Variants in ADAMTS3 observed in about 807,000 individuals in gnomAD.
The protein encoded by ADAMTS3 is ADAM metallopeptidase with thrombospondin type 1 motif 3.
A neutral mutation model predicts 129.0 loss-of-function variants in ADAMTS3; 73 were observed. The observed-to-expected ratio is 0.57, with a 90% confidence interval of 0.47 to 0.69. ADAMTS3 has a LOEUF of 0.69. Ranked by LOEUF, ADAMTS3 falls within the 30% of genes least tolerant of loss-of-function variation. The pLI is 0.00. For synonymous variants in ADAMTS3, 477 were observed against 510.8 expected (o/e 0.93, Z 0.89); for missense variants, 1,457 against 1,514.5 (o/e 0.96, Z 0.63).
chr4:72,498,859 T>C (rs1719937114), intron 3 of ADAMTS3, among the ~76,000 whole-genome samples: 2 of 152,126 alleles, frequency 1.3e-5, no homozygotes, highest in African/African-American at 4.8e-5. Flanking sequence ...GAATGTTCAT[T>C]GTTCCAATAC....
At position 72,400,325 on chromosome 4, in the gene ADAMTS3, TATATATACACAC is replaced by T. The variant is rs1449397045; in HGVS notation, c.661+14478_661+14489del. Reference sequence around the variant, plus strand: ...TGTATATATGCACACATGGTGTGTGTATATATACACACGGTGTGTATATATACGTGTGCATAG... The same window carrying T: ...TGTATATATGCACACATGGTGTGTGTGGTGTGTATATATACGTGTGCATAG... On this transcript the variant is annotated intron_variant, in intron 4 of 21. Coordinates refer to ENST00000286657, the MANE Select transcript of ADAMTS3 (RefSeq NM_014243.3). 2.8e-3 allele frequency among the ~76,000 whole-genome samples: 402 copies of T among 145,338 alleles called. 10 individuals carry two copies. Among genetic ancestry groups the T allele is most frequent in the African/African-American group, 0.01 (382 of 37,104 alleles).
rs376533992 is a variant in ADAMTS3 at position 72,404,720 on chromosome 4, T to C, written c.661+10095A>G. Among the ~76,000 whole-genome samples the C allele has an allele frequency of 7.9e-5, 12 of 151,934 alleles. No homozygotes were observed. The East Asian group carries it at 1.7e-3, about 22-fold the overall frequency. On this transcript the variant is annotated intron_variant, in intron 4 of 21. Transcript: ENST00000286657. ...ATTAACAGGGTGAAAAGGAAACCTA[T>C]AGAATGGGAGAAAATATTTGCAAAC... is the stretch of plus-strand genomic sequence containing the variant.
intron 5 of ADAMTS3, among the ~76,000 whole-genome samples, chr4:72,335,796 T>C (rs1400838041): frequency 1.3e-5 from 2 of 152,182 alleles, no homozygotes; most frequent in South Asian, 4.1e-4. Flanking sequence ...CTGCTCCCAT[T>C]ATATCATTGC....
Position 72,531,036 on chromosome 4 carries a change from G to T in ADAMTS3, c.504+17442C>A, listed in dbSNP as rs368438714. 1.2e-3 allele frequency among the ~76,000 whole-genome samples: 185 copies of T among 151,270 alleles called. 2 individuals are homozygous for T. In the South Asian group the frequency reaches 0.014, roughly 12 times the overall value. ...AGAACATTTTATCAAACTTAGAAAT[G>T]CCAATGCAGCTTCTATGTGAAGAAG... On this transcript the variant is annotated intron_variant, in intron 3 of 21. Coordinates refer to ENST00000286657, the MANE Select transcript of ADAMTS3 (RefSeq NM_014243.3).
In ADAMTS3 at chr4:72,281,528, T is replaced by A. The variant is rs1578545657; in HGVS notation, c.*1608A>T. 6.6e-6 allele frequency: 1 copy of A among 152,238 alleles called. No individual in the cohort carries two copies. The highest frequency in any genetic ancestry group is 1.5e-5 in the Non-Finnish European group (1 of 68,038). The allele number at this position is 152,238 out of a possible 1,614,324, so 9.4% of individuals were successfully genotyped here. A position where few individuals can be genotyped will look rare whatever the true frequency, so the allele number is the denominator to read the frequency against. On this transcript the variant is annotated 3_prime_UTR_variant, in exon 22 of 22. Coordinates refer to ENST00000286657, the MANE Select transcript of ADAMTS3 (RefSeq NM_014243.3). ...TGCACTTATCTCTTTCAAAAACTTT[T>A]AAAAATGTTTCTAATTCACAATTTC...
At chr4:72,350,360 T>A (rs942327022) in intron 4 of ADAMTS3, among the ~76,000 whole-genome samples, 1 of 152,204 alleles carries the variant, frequency 6.6e-6, no homozygotes, top group Non-Finnish European at 1.5e-5. Context: ...GATTTAATGA[T>A]TGCTTTAATA....
chr4:72,548,936 G>T, intron 2 of ADAMTS3, 52 bp from the exon 3 acceptor site: 1 of 1,542,212 alleles, frequency 6.5e-7, no homozygotes, highest in Non-Finnish European at 8.8e-7. Context: ...GAGAACACAG[G>T]AGAACATAAC....
intron 18 of ADAMTS3, among the ~76,000 whole-genome samples, 195 bp from the exon 19 acceptor site, chr4:72,295,981 A>T (rs1718796320): frequency 6.6e-6 from 1 of 152,090 alleles, no homozygotes; most frequent in East Asian, 1.9e-4. Context: ...CTTTTCAGAG[A>T]ATACGTTTGA....
intron 3 of ADAMTS3, among the ~76,000 whole-genome samples, chr4:72,544,972 T>TAA (rs1469358470): frequency 6.6e-6 from 1 of 152,090 alleles, no homozygotes; most frequent in African/African-American, 2.4e-5. Flanking sequence ...TTGATGTATA[T>TAA]AAAAAGCAAA....
chr4:72,537,121 C>T (rs936172978), intron 3 of ADAMTS3, among the ~76,000 whole-genome samples: 1 of 152,204 alleles, frequency 6.6e-6, no homozygotes, highest in Admixed American at 6.5e-5. Flanking sequence ...TAGTCAACTT[C>T]AGCTCTTAGC....
chr4:72,501,424 T>C (rs925515332), intron 3 of ADAMTS3, among the ~76,000 whole-genome samples: 3 of 152,126 alleles, frequency 2.0e-5, no homozygotes, highest in African/African-American at 7.2e-5. Context: ...AGCTTAAACA[T>C]TATTGATATA....
chr4:72,329,759 A>G (rs1301861962), intron 5 of ADAMTS3, among the ~76,000 whole-genome samples: 1 of 152,032 alleles, frequency 6.6e-6, no homozygotes, highest in African/African-American at 2.4e-5. Flanking sequence ...ATGAAAAAAA[A>G]AAAAACGATC....
At position 72,319,861 on chromosome 4, in the gene ADAMTS3, T is replaced by C. The variant is rs759406845; in HGVS notation, c.1205A>G (p.His402Arg). 1.2e-6 allele frequency: 2 copies of C among 1,612,242 alleles called. No homozygotes were observed. Among genetic ancestry groups the C allele is most frequent in the Non-Finnish European group, 8.5e-7 (1 of 1,178,394 alleles). The change falls in exon 8 of 22, where the codon CAT (histidine) becomes CGT (arginine). Residue 402 changes from histidine to arginine, a missense_variant. Transcript: ENST00000286657. The part of the protein sequence containing the change: ...SAFVVAHETG[H>R]VLGMEHDGQG... ...ATAGCTGTCAGCAGTGACTTACACA[T>C]GGCCCGTTTCATGGGCTACTACAAA...
At chr4:72,404,804 G>T (rs1024638454) in intron 4 of ADAMTS3, among the ~76,000 whole-genome samples, 2 of 143,072 alleles carry the variant, frequency 1.4e-5, no homozygotes, top group Non-Finnish European at 3.0e-5. Context: ...CAACTCAGTA[G>T]CAAAACAAAC....
At chr4:72,396,277 T>G (rs1164002643) in intron 4 of ADAMTS3, among the ~76,000 whole-genome samples, 1 of 152,140 alleles carries the variant, frequency 6.6e-6, no homozygotes, top group African/African-American at 2.4e-5. Flanking sequence ...CAGCACAGTT[T>G]TCTCATCAAA....
chr4:72,531,835 C>T (rs966494007), intron 3 of ADAMTS3, among the ~76,000 whole-genome samples: 2 of 152,122 alleles, frequency 1.3e-5, no homozygotes, highest in African/African-American at 4.8e-5. Flanking sequence ...CATTAGGTGG[C>T]TTGTCTAAGT....
intron 3 of ADAMTS3, among the ~76,000 whole-genome samples, chr4:72,443,473 G>C (rs1718172039): frequency 6.6e-6 from 1 of 151,624 alleles, no homozygotes; most frequent in African/African-American, 2.4e-5. Flanking sequence ...ACCTGATTGA[G>C]AGTCACCTCT....
In ADAMTS3 at chr4:72,569,092, A is replaced by G. The variant is rs945181335; in HGVS notation, c.-330T>C. ...GGGCTTTCCAACTATCTCTGCCCAA[A>G]GCAGCTTTTTCGAGGCTTTTCGAGC... is the stretch of plus-strand genomic sequence containing the variant. On this transcript the variant is annotated 5_prime_UTR_variant, in exon 1 of 22. Transcript: ENST00000286657. 1 of 365,886 alleles carries G rather than the reference A, an allele frequency of 2.7e-6. No individual in the cohort carries two copies. The highest frequency in any genetic ancestry group is 5.0e-6 in the Non-Finnish European group (1 of 201,772). 22.7% of individuals were successfully genotyped at this position (365,886 alleles called of 1,614,324 possible).
intron 2 of ADAMTS3, among the ~76,000 whole-genome samples, chr4:72,550,278 T>C (rs974628876): frequency 2.0e-5 from 3 of 152,012 alleles, no homozygotes; most frequent in Non-Finnish European, 4.4e-5. Context: ...TCCAATAATG[T>C]ATTTAGAGCA....
Sources: gnomAD v4.1 joint callset for allele counts (sites outside exome capture counted in the v4.1 genomes callset) on GRCh38, gnomAD v4.1.1 for gene constraint, MANE v1.5 for transcripts, NCBI Gene and HGNC (gene_info 2026-07-23, HGNC 2026-07-21) for gene names.